LPIN1: variants seen among roughly 807,000 people sequenced by gnomAD.
The protein encoded by LPIN1 is lipin 1.
Under a neutral mutation model 107.5 loss-of-function variants are expected in LPIN1, and 71 were observed. The observed-to-expected ratio is 0.66, with a 90% CI of 0.55 to 0.80. The LOEUF is 0.80. Ranked by LOEUF, LPIN1 falls within the 30% of genes least tolerant of loss-of-function variation. The probability of loss-of-function intolerance (pLI) is 0.00; values close to 1 mark genes in which losing one functional copy is unlikely to be tolerated. For synonymous variants in LPIN1, 445 were observed against 452.6 expected, an observed-to-expected ratio of 0.98 and a Z score of 0.21; for missense variants, 1,043 against 1,160.6, an observed-to-expected ratio of 0.90 and a Z score of 1.47.
chr2:11,790,107 GA>G lies in LPIN1; in HGVS notation c.1713+1654del, dbSNP rs573417541. Reference sequence around the variant, plus strand: ...TATTTTTACAAGTTTTGGAAATTTCGAAAGATCTTAAAATCTTTCATCCATC... The same window carrying G: ...TATTTTTACAAGTTTTGGAAATTTCGAAGATCTTAAAATCTTTCATCCATC... On this transcript the variant is annotated intron_variant, in intron 12 of 20. Transcript: ENST00000674199. 1.8e-3 allele frequency among the ~76,000 whole-genome samples: 272 copies of G among 152,156 alleles called. 1 individual carries two copies. Among genetic ancestry groups the G allele is most frequent in the Non-Finnish European group, 2.9e-3 (200 of 68,006 alleles).
chr2:11,785,119 C>G (rs1004143177), intron 10 of LPIN1, 43 bp downstream of exon 10: 3 of 1,444,944 alleles, frequency 2.1e-6, no homozygotes, highest in Non-Finnish European at 1.8e-6. Context: ...GGCCGCCGGT[C>G]AGAAGGCGCA....
At chr2:11,799,628 G>GC (rs1677335989) in intron 14 of LPIN1, among the ~76,000 whole-genome samples, 1 of 151,974 alleles carries the variant, frequency 6.6e-6, no homozygotes, top group Non-Finnish European at 1.5e-5. Context: ...GTTGGATCAG[G>GC]TCATTTTACA....
chr2:11,702,871 C>G (rs547635604), intron 1 of LPIN1, among the ~76,000 whole-genome samples: 1 of 152,280 alleles, frequency 6.6e-6, no homozygotes, highest in African/African-American at 2.4e-5. Flanking sequence ...TCTCTCCTAA[C>G]TCTCACGTGG....
chr2:11,708,817 G>A (rs146262232), intron 1 of LPIN1, among the ~76,000 whole-genome samples: 2 of 152,304 alleles, frequency 1.3e-5, no homozygotes, highest in Admixed American at 6.5e-5. Flanking sequence ...GGAAGGTGAT[G>A]ATGATGATGT....
chr2:11,736,305 G>A (rs1665786980), intron 1 of LPIN1, among the ~76,000 whole-genome samples: 1 of 152,200 alleles, frequency 6.6e-6, no homozygotes, highest in South Asian at 2.1e-4. Context: ...TCATGGTTCT[G>A]GAGGCTGGAC....
At chr2:11,731,359 A>G (rs574904804) in intron 1 of LPIN1, among the ~76,000 whole-genome samples, 35 of 152,320 alleles carry the variant, frequency 2.3e-4, no homozygotes, top group African/African-American at 8.4e-4. Context: ...TTTGCTGAGA[A>G]TGATGGCTTC....
intron 16 of LPIN1, among the ~76,000 whole-genome samples, 175 bp downstream of exon 16, chr2:11,804,746 C>A (rs1468831644): frequency 2.6e-5 from 4 of 152,110 alleles, no homozygotes; most frequent in Non-Finnish European, 5.9e-5. Flanking sequence ...GTGTTTAGGG[C>A]TTAGTTGTTT....
chr2:11,779,475 A>C (rs774293680), intron 6 of LPIN1, 44 bp from the exon 7 acceptor site: 71 of 1,608,406 alleles, frequency 4.4e-5, no homozygotes, highest in Non-Finnish European at 5.7e-5. Context: ...CATTTACAAA[A>C]GTTTCTTTTC....
chr2:11,728,085 A>G (rs1664838611), intron 1 of LPIN1, among the ~76,000 whole-genome samples: 1 of 152,184 alleles, frequency 6.6e-6, no homozygotes, highest in South Asian at 2.1e-4. Flanking sequence ...TTCATGTGTG[A>G]TACCGAGAGA....
Position 11,799,109 on chromosome 2 carries a change from G to C in LPIN1, c.1886+3622G>C, listed in dbSNP as rs1182432960. Reference sequence around the variant, plus strand: ...TTCTGTGCAGGGTGGCGCAATCTGAGACGTGGCAGCCGCAAATGACCGTGT... The same window carrying C: ...TTCTGTGCAGGGTGGCGCAATCTGACACGTGGCAGCCGCAAATGACCGTGT... On this transcript the variant is annotated intron_variant, in intron 14 of 20. Transcript: ENST00000674199. Among the ~76,000 whole-genome samples the C allele has an allele frequency of 2.0e-5, 3 of 152,192 alleles. 1 individual carries two copies. The highest frequency in any genetic ancestry group is 7.2e-5 in the African/African-American group (3 of 41,450).
chr2:11,771,559 G>C lies in LPIN1; in HGVS notation c.476G>C (p.Arg159Thr). ...GTAGTAAAGAAGAGAAGAAAAAGGAGGAGAAAGTCACAGCTGGACAGCCTG... is the reference window on the plus strand; with the variant it reads ...GTAGTAAAGAAGAGAAGAAAAAGGACGAGAAAGTCACAGCTGGACAGCCTG... ...SSVVKKRRKR[R>T]RKSQLDSLKR... The change falls in exon 4 of 21, where the codon AGG (arginine) becomes ACG (threonine). Residue 159 changes from arginine to threonine, a missense_variant. Transcript: ENST00000674199. This position sits in a 1 kb window ranked among gnomAD's most constrained non-coding sequence, Gnocchi z 4.8. The C allele has an allele frequency of 6.2e-7, 1 of 1,614,026 alleles. No homozygotes were observed. The highest frequency in any genetic ancestry group is 8.5e-7 in the Non-Finnish European group (1 of 1,179,966).
intron 1 of LPIN1, among the ~76,000 whole-genome samples, chr2:11,685,064 C>G (rs553520981): frequency 3.3e-5 from 5 of 152,244 alleles, no homozygotes; most frequent in African/African-American, 1.2e-4. Flanking sequence ...TGGGGAAAGG[C>G]AACGGGGAGC....
At chr2:11,741,545 A>G (rs1249893914) in intron 2 of LPIN1, 2 of 777,024 alleles carry the variant, frequency 2.6e-6, no homozygotes, top group Admixed American at 2.5e-5. Context: ...AAACATTGCC[A>G]CTCGAGCTCA....
At chr2:11,679,664 CTA>C (rs1661605565) in intron 1 of LPIN1, among the ~76,000 whole-genome samples, 1 of 152,250 alleles carries the variant, frequency 6.6e-6, no homozygotes, top group Admixed American at 6.5e-5. Flanking sequence ...AAGCCCCAGG[CTA>C]AAACCCTCAG....
intron 1 of LPIN1, among the ~76,000 whole-genome samples, chr2:11,726,029 C>T (rs1002051115): frequency 6.6e-6 from 1 of 152,120 alleles, no homozygotes; most frequent in Non-Finnish European, 1.5e-5. Flanking sequence ...CTGGAGTGAT[C>T]CATTCTCATA....
intron 14 of LPIN1, among the ~76,000 whole-genome samples, chr2:11,795,843 T>G (rs1172907330): frequency 6.6e-6 from 1 of 152,214 alleles, no homozygotes; most frequent in Non-Finnish European, 1.5e-5. Context: ...GCCCTAACAA[T>G]AACATGGAAA....
At chr2:11,730,957 C>T (rs1474215778) in intron 1 of LPIN1, among the ~76,000 whole-genome samples, 2 of 152,214 alleles carry the variant, frequency 1.3e-5, no homozygotes, top group Non-Finnish European at 2.9e-5. Context: ...CAGAAATTCT[C>T]TGCTGTGCTG....
intron 1 of LPIN1, among the ~76,000 whole-genome samples, chr2:11,747,307 C>T (rs1479090704): frequency 1.3e-5 from 2 of 152,210 alleles, no homozygotes; most frequent in Non-Finnish European, 2.9e-5. Context: ...CTAGTGAGCT[C>T]CGTCAGCTGC....
At chr2:11,810,002 G>A (rs917876329) in intron 17 of LPIN1, among the ~76,000 whole-genome samples, 3 of 152,198 alleles carry the variant, frequency 2.0e-5, no homozygotes, top group African/African-American at 7.2e-5. Flanking sequence ...ACCCAGGAAT[G>A]CTCTGCTCCT....
Sources: allele counts gnomAD v4.1 joint callset (sites outside exome capture counted in the v4.1 genomes callset), GRCh38; gene constraint gnomAD v4.1.1; non-coding constraint Gnocchi (gnomAD v3.1); transcripts MANE v1.5; gene names NCBI Gene and HGNC (gene_info 2026-07-23, HGNC 2026-07-21).